The following CACNA1C variants were observed in gnomAD, a reference collection of about 807,000 sequenced individuals.
The protein encoded by CACNA1C is calcium voltage-gated channel subunit alpha1 C.
A neutral mutation model predicts 229.0 loss-of-function variants in CACNA1C; 30 were observed. The ratio of observed to expected loss-of-function variants is 0.13; its 90% confidence interval spans 0.10 to 0.18. The LOEUF is 0.18. CACNA1C is among the 10% of genes least tolerant of loss of function. The pLI, the probability that CACNA1C is intolerant of heterozygous loss-of-function variation, is 1.00. For synonymous variants in CACNA1C, 1,114 were observed against 1,132.5 expected, an observed-to-expected ratio of 0.98 and a Z score of 0.33; for missense variants, 1,658 against 2,845.0, an observed-to-expected ratio of 0.58 and a Z score of 9.49.
chr12:2,558,164 G>A (rs1397859294), intron 11 of CACNA1C, among the ~76,000 whole-genome samples: 1 of 152,164 alleles, frequency 6.6e-6, no homozygotes, highest in Non-Finnish European at 1.5e-5. Flanking sequence ...CTCTTGGACG[G>A]AGCTGGACAC....
chr12:2,614,982 A>G lies in CACNA1C; in HGVS notation c.3828+2969A>G, dbSNP rs561734105. On this transcript the variant is annotated intron_variant, in intron 29 of 46. Transcript: ENST00000399655. Reference sequence around the variant, plus strand: ...ATTCATACTCTGTTCAAAAAAAAAAAAAAAATCACACAAAGAAACTAGGAA... The same window carrying G: ...ATTCATACTCTGTTCAAAAAAAAAAGAAAAATCACACAAAGAAACTAGGAA... 2.0e-5 allele frequency: 3 copies of G among 152,322 alleles called. No individual in the cohort carries two copies. In the East Asian group the frequency reaches 5.8e-4, roughly 29 times the overall value. 9.4% of individuals were successfully genotyped at this position (152,322 alleles called of 1,614,324 possible). A position where few individuals can be genotyped will look rare whatever the true frequency, so the allele number is the denominator to read the frequency against.
chr12:2,549,967 A>C lies in CACNA1C; in HGVS notation c.1415A>C (p.Glu472Ala). The change falls in exon 10 of 47, where the codon GAG becomes GCG. Residue 472 changes from glutamate to alanine, a missense_variant. This residue lies in a region of CACNA1C where 149 missense variants were observed against 194.2 expected (regional missense o/e 0.77). Coordinates refer to ENST00000399655, the MANE Select transcript of CACNA1C (RefSeq NM_000719.7). ...RNMSMPTSET[E>A]SVNTENVAGG... ...GTGAGCATGCCCACCAGTGAGACCG[A>C]GTCCGTCAACACCGAAAACGTGGCT... 10 of 1,606,456 alleles carry C rather than the reference A, an allele frequency of 6.2e-6. No individual in the cohort carries two copies. Among genetic ancestry groups the C allele is most frequent in the Non-Finnish European group, 8.5e-6 (10 of 1,176,530 alleles).
At position 2,403,966 on chromosome 12, in the gene CACNA1C, G is replaced by T. The variant is rs1241410745; in HGVS notation, c.478-45010G>T. 6.6e-6 allele frequency among the ~76,000 whole-genome samples: 1 copy of T among 152,210 alleles called. No individual in the cohort carries two copies. Among genetic ancestry groups the T allele is most frequent in the Non-Finnish European group, 1.5e-5 (1 of 68,040 alleles). ...TGTACAGAAATCCTCTAGTCAGAAT[G>T]TCCTTGCTGTGTACCAGGGCACACT... On this transcript the variant is annotated intron_variant, in intron 3 of 46. Coordinates refer to ENST00000399655, the MANE Select transcript of CACNA1C (RefSeq NM_000719.7). The surrounding 1 kb of genome is among the most constrained non-coding windows in gnomAD (Gnocchi z 4.1).
At chr12:2,337,584 G>A (rs920407651) in intron 3 of CACNA1C, among the ~76,000 whole-genome samples, 1 of 152,196 alleles carries the variant, frequency 6.6e-6, no homozygotes, top group African/African-American at 2.4e-5. Context: ...TTGGAGTGCC[G>A]TGTTCAACCA....
In CACNA1C at chr12:2,610,515, C is replaced by A. The variant is rs1602001531; in HGVS notation, c.3559-26C>A. The A allele has an allele frequency of 1.9e-6, 3 of 1,600,138 alleles. No individual in the cohort carries two copies. In the East Asian group the frequency reaches 6.7e-5, roughly 36 times the overall value. On this transcript the variant is annotated intron_variant, in intron 27 of 46. Coordinates refer to ENST00000399655, the MANE Select transcript of CACNA1C (RefSeq NM_000719.7). ...CACCCTCCAGTTAACTAACCCCACT[C>A]TCCCCATCCTCCACCACCCTCCCAG...
intron 3 of CACNA1C, among the ~76,000 whole-genome samples, chr12:2,166,770 A>G (rs1164416874): frequency 2.0e-5 from 3 of 152,172 alleles, no homozygotes; most frequent in Non-Finnish European, 4.4e-5. Flanking sequence ...TAAGCAGAGG[A>G]TTAGTAGGCA....
chr12:2,296,451 C>T (rs1421249961), intron 3 of CACNA1C, among the ~76,000 whole-genome samples: 5 of 152,164 alleles, frequency 3.3e-5, no homozygotes, highest in East Asian at 1.9e-4. Flanking sequence ...GCAGCACTGC[C>T]CTGGGAGTGG....
In CACNA1C at chr12:2,608,749, C is replaced by A. The variant is rs1187306170; in HGVS notation, c.3558+37C>A. On this transcript the variant is annotated intron_variant, in intron 27 of 46. Coordinates refer to ENST00000399655, the MANE Select transcript of CACNA1C (RefSeq NM_000719.7). The surrounding 1 kb of genome is among the most constrained non-coding windows in gnomAD (Gnocchi z 4.2). The stretch of plus-strand genomic sequence containing the variant: ...GGAAGGAGCGGAGGGAAGCGGGGCC[C>A]ACGGAGGGAATGGCAGCCTGCGGCC... 3 of 1,607,182 alleles carry A rather than the reference C, an allele frequency of 1.9e-6. No individual in the cohort carries two copies. Among genetic ancestry groups the A allele is most frequent in the Admixed American group, 3.4e-5 (2 of 59,328 alleles).
intron 3 of CACNA1C, among the ~76,000 whole-genome samples, chr12:2,128,576 A>C (rs1302274248): frequency 3.9e-5 from 6 of 151,956 alleles, no homozygotes; most frequent in Admixed American, 2.0e-4. Flanking sequence ...ATGCCCAGCT[A>C]ATTTTTTTGT....
In CACNA1C at chr12:2,403,356, G is replaced by T. The variant is rs913131696; in HGVS notation, c.478-45620G>T. ...GACTTCCCCTCTTGTGTCAAGGTGC[G>T]CTGCAGAGGGATGGCGTTGGAGGCA... On this transcript the variant is annotated intron_variant, in intron 3 of 46. Transcript: ENST00000399655. The surrounding 1 kb of genome is among the most constrained non-coding windows in gnomAD (Gnocchi z 4.1). Among the ~76,000 whole-genome samples the T allele has an allele frequency of 7.9e-5, 12 of 152,076 alleles. No homozygotes were observed. Among genetic ancestry groups the T allele is most frequent in the Non-Finnish European group, 1.5e-4 (10 of 68,012 alleles).
chr12:2,606,051 G>A (rs543297272), intron 24 of CACNA1C, among the ~76,000 whole-genome samples: 3 of 152,280 alleles, frequency 2.0e-5, no homozygotes, highest in Middle Eastern at 3.4e-3. Flanking sequence ...GAAAGAGAGA[G>A]AGAGGGACTT....
chr12:2,086,449 A>G (rs1201975790), intron 1 of CACNA1C, among the ~76,000 whole-genome samples: 1 of 152,180 alleles, frequency 6.6e-6, no homozygotes, highest in African/African-American at 2.4e-5. Context: ...CCGATTTCTA[A>G]TCTATTCTAG....
chr12:2,606,850 A>T (rs183893517), intron 25 of CACNA1C, 134 bp from the exon 26 acceptor site: 785 of 1,106,668 alleles, frequency 7.1e-4, no homozygotes, highest in Admixed American at 1.2e-3. Context: ...TGCCCACTGA[A>T]GCTCCTCCCA....
intron 29 of CACNA1C, among the ~76,000 whole-genome samples, chr12:2,629,861 T>G (rs558536551): frequency 5.9e-5 from 9 of 152,350 alleles, no homozygotes; most frequent in African/African-American, 2.2e-4. Flanking sequence ...TTGGTGACCA[T>G]TTTCTCAGCC....
chr12:2,035,554 C>T (rs2048983383), intron 1 of CACNA1C, among the ~76,000 whole-genome samples: 2 of 152,344 alleles, frequency 1.3e-5, no homozygotes, highest in South Asian at 2.1e-4. Context: ...CCTTCCCACC[C>T]AACCTCAACA....
chr12:2,135,908 C>T lies in CACNA1C; in HGVS notation c.477+15478C>T, dbSNP rs1206714435. Among the ~76,000 whole-genome samples the T allele has an allele frequency of 8.0e-5, 12 of 149,166 alleles. 1 individual carries two copies. In the South Asian group the frequency reaches 1.5e-3, roughly 18 times the overall value. On this transcript the variant is annotated intron_variant, in intron 3 of 46. Coordinates refer to ENST00000399655, the MANE Select transcript of CACNA1C (RefSeq NM_000719.7). ...ATGGCGGGCGCCCCTCCCCCAGCCT[C>T]GCTGCCGCCTTGCAGTTTGATCTCA...
At chr12:2,221,678 A>C (rs946391782) in intron 3 of CACNA1C, 1 of 152,250 alleles carries the variant, frequency 6.6e-6, no homozygotes, top group African/African-American at 2.4e-5. Flanking sequence ...TGGTTCAGCA[A>C]GTCCATAGGA....
rs556079195 is a variant in CACNA1C at position 2,324,131 on chromosome 12, T to G, written c.478-124845T>G. Among the ~76,000 whole-genome samples, 80 of 152,224 alleles carry G rather than the reference T, an allele frequency of 5.3e-4. No individual in the cohort carries two copies. The South Asian group carries it at 0.011, about 22-fold the overall frequency. On this transcript the variant is annotated intron_variant, in intron 3 of 46. Coordinates refer to ENST00000399655, the MANE Select transcript of CACNA1C (RefSeq NM_000719.7). ...CAATCCTTCCCTTCAAGTCTAAAAA[T>G]AGGAGAGCAAGTCCCAGTTCTGATG...
Position 2,653,687 on chromosome 12 carries a change from T to C in CACNA1C, c.4075-148T>C, listed in dbSNP as rs1358796815. ...CTCAGACCTTCTCGCAGGTTCCCCGTAGTCCTGTGGGACTCTTGGAAGTGT... is the reference window on the plus strand; with the variant it reads ...CTCAGACCTTCTCGCAGGTTCCCCGCAGTCCTGTGGGACTCTTGGAAGTGT... On this transcript the variant is annotated intron_variant, in intron 32 of 46. Coordinates refer to ENST00000399655, the MANE Select transcript of CACNA1C (RefSeq NM_000719.7). This position sits in a 1 kb window ranked among gnomAD's most constrained non-coding sequence, Gnocchi z 4.7. 13 of 669,878 alleles carry C rather than the reference T, an allele frequency of 1.9e-5. No homozygotes were observed. Among genetic ancestry groups the C allele is most frequent in the Non-Finnish European group, 3.5e-5 (13 of 375,852 alleles). The allele number at this position is 669,878 out of a possible 1,614,324, so 41.5% of individuals were successfully genotyped here.
Sources: allele counts gnomAD v4.1 joint callset (sites outside exome capture counted in the v4.1 genomes callset), GRCh38; gene constraint gnomAD v4.1.1; regional missense constraint gnomAD v4.1.1; non-coding constraint Gnocchi (gnomAD v3.1); transcripts MANE v1.5; gene names NCBI Gene and HGNC (gene_info 2026-07-23, HGNC 2026-07-21).